Variants in WASHC5 observed in about 807,000 individuals in gnomAD.
The protein encoded by WASHC5 is WASH complex subunit 5, also known as WASH complex subunit strumpellin.
WASHC5 carries 101 observed loss-of-function variants against 150.4 expected under a neutral mutation model. That is an observed-to-expected ratio of 0.67 (90% CI 0.57 to 0.79). The LOEUF (loss-of-function observed/expected upper bound fraction) is 0.79. Ranked by LOEUF, WASHC5 falls within the 30% of genes least tolerant of loss-of-function variation. WASHC5 has a pLI of 0.00. For synonymous variants in WASHC5, 467 were observed against 491.2 expected, an observed-to-expected ratio of 0.95 and a Z score of 0.65; for missense variants, 1,195 against 1,396.3, an observed-to-expected ratio of 0.86 and a Z score of 2.30.
At chr8:125,027,896 C>CTGTATAGT (rs1439472902) in intron 28 of WASHC5, among the ~76,000 whole-genome samples, 8 of 152,192 alleles carry the variant, frequency 5.3e-5, no homozygotes, top group African/African-American at 1.9e-4. Context: ...TTGCAAGAGT[C>CTGTATAGT]TGTATAGTTG....
chr8:125,057,872 C>T (rs954843631), intron 14 of WASHC5, among the ~76,000 whole-genome samples: 2 of 152,174 alleles, frequency 1.3e-5, no homozygotes, highest in East Asian at 1.9e-4. Flanking sequence ...CAGTAGCTTC[C>T]GCATGACCTG....
rs80288271 is a variant in WASHC5, at chr8:125,041,703, G to A, written c.2851-1805C>T. ...AGCAAAAGTTACTTAGCTAAATGGAGCTTGTAATGGTCAAAAGTATTAAAT... is the reference window on the plus strand; with the variant it reads ...AGCAAAAGTTACTTAGCTAAATGGAACTTGTAATGGTCAAAAGTATTAAAT... On this transcript the variant is annotated intron_variant, in intron 23 of 28. Transcript: ENST00000318410. 1.7e-3 allele frequency among the ~76,000 whole-genome samples: 252 copies of A among 152,158 alleles called. 1 individual carries two copies. Among genetic ancestry groups the A allele is most frequent in the Non-Finnish European group, 2.4e-3 (165 of 68,008 alleles).
intron 6 of WASHC5, 38 bp from the exon 7 acceptor site, chr8:125,076,538 C>T: frequency 6.2e-7 from 1 of 1,610,610 alleles, no homozygotes. Context: ...AAGCTGTTGG[C>T]AACATTTGCA....
chr8:125,032,569 GC>G (rs1815573065), intron 26 of WASHC5, 175 bp from the exon 27 acceptor site: 1 of 727,924 alleles, frequency 1.4e-6, no homozygotes, highest in Non-Finnish European at 2.4e-6. Context: ...GATTGGTAGG[GC>G]ATTCCAGGGG....
rs146282826 is a variant in WASHC5 at position 125,077,889 on chromosome 8, T to C, written c.711+849A>G. On this transcript the variant is annotated intron_variant, in intron 6 of 28. Coordinates refer to ENST00000318410, the MANE Select transcript of WASHC5 (RefSeq NM_014846.4). ...GGCATCTGTGGGTAGCTTCTGATTT[T>C]GAATTGTCTTAAAACAACAACAACA... 7.0e-3 allele frequency among the ~76,000 whole-genome samples: 1,071 copies of C among 152,194 alleles called. 8 individuals carry two copies. The highest frequency in any genetic ancestry group is 0.024 in the African/African-American group (1,005 of 41,512).
chr8:125,039,247 T>C (rs1815810398), intron 24 of WASHC5, among the ~76,000 whole-genome samples: 1 of 152,162 alleles, frequency 6.6e-6, no homozygotes, highest in Non-Finnish European at 1.5e-5. Context: ...AGCACTGACT[T>C]GGTGAGTGAG....
chr8:125,053,103 C>CT lies in WASHC5; in HGVS notation c.2098-2439dup, dbSNP rs10616158. On this transcript the variant is annotated intron_variant, in intron 17 of 28. Coordinates refer to ENST00000318410, the MANE Select transcript of WASHC5 (RefSeq NM_014846.4). ...TTTAAGTTTGAGACGACCTGTATTT[C>CT]TTTTTTTTTTTTTTTGCTGCCTCTA... is the stretch of plus-strand genomic sequence containing the variant. Among the ~76,000 whole-genome samples, 699 of 136,340 alleles carry CT rather than the reference C, an allele frequency of 5.1e-3. 4 individuals are homozygous for CT. Among genetic ancestry groups the CT allele is most frequent in the South Asian group, 0.022 (94 of 4,322 alleles). The allele number at this position is 136,340 out of a possible 152,430, so 89.4% of individuals were successfully genotyped here. A position where few individuals can be genotyped will look rare whatever the true frequency, so the allele number is the denominator to read the frequency against.
At chr8:125,055,564 G>A in intron 17 of WASHC5, 27 bp downstream of exon 17, 5 of 1,371,276 alleles carry the variant, frequency 3.6e-6, no homozygotes, top group Non-Finnish European at 5.2e-6. Context: ...CATGGTGCGA[G>A]GCCACGCAGA....
intron 17 of WASHC5, among the ~76,000 whole-genome samples, chr8:125,053,023 T>G (rs1035269930): frequency 6.6e-6 from 1 of 152,300 alleles, no homozygotes; most frequent in Admixed American, 6.5e-5. Flanking sequence ...TGTAATTTAT[T>G]GAATACTATA....
chr8:125,087,316 T>C (rs939626405), intron 1 of WASHC5, among the ~76,000 whole-genome samples: 1 of 152,246 alleles, frequency 6.6e-6, no homozygotes, highest in African/African-American at 2.4e-5. Context: ...CCGCTGATTA[T>C]TGCAATTTCC....
chr8:125,065,708 G>T (rs186029459), intron 10 of WASHC5, among the ~76,000 whole-genome samples: 3,963 of 150,512 alleles, frequency 0.026, 184 homozygotes, highest in African/African-American at 0.093. Flanking sequence ...ACCTCTGCCT[G>T]TGTTTTCAAG....
chr8:125,053,867 A>G (rs28453073), intron 17 of WASHC5, among the ~76,000 whole-genome samples: 16,613 of 152,224 alleles, frequency 0.11, 2,125 homozygotes, highest in African/African-American at 0.31. Flanking sequence ...TCTTGGGAGA[A>G]CAAAATTAGA....
intron 27 of WASHC5, among the ~76,000 whole-genome samples, chr8:125,031,985 T>C (rs1815553357): frequency 6.6e-6 from 1 of 152,122 alleles, no homozygotes; most frequent in Non-Finnish European, 1.5e-5. Context: ...CCCATGGTAG[T>C]TACTATTCAT....
At chr8:125,029,942 T>C (rs1815478994) in intron 27 of WASHC5, among the ~76,000 whole-genome samples, 1 of 152,220 alleles carries the variant, frequency 6.6e-6, no homozygotes, top group South Asian at 2.1e-4. Flanking sequence ...AGGGCTATAT[T>C]TGCTCTGCTT....
intron 20 of WASHC5, 158 bp from the exon 21 acceptor site, chr8:125,044,856 C>A: frequency 1.3e-6 from 1 of 754,176 alleles, no homozygotes; most frequent in Non-Finnish European, 2.3e-6. Context: ...TGCGTCTTCC[C>A]AGTGACACCC....
Position 125,044,698 on chromosome 8 carries a change from T to G in WASHC5, c.2505A>C (p.Lys835Asn). 6.2e-7 allele frequency: 1 copy of G among 1,613,958 alleles called. No individual in the cohort carries two copies. Among genetic ancestry groups the G allele is most frequent in the Non-Finnish European group, 8.5e-7 (1 of 1,179,920 alleles). The change falls in exon 21 of 29, where the codon AAA becomes AAC. Residue 835 changes from lysine to asparagine, a missense_variant and splice_region_variant. Around this residue, in one of 3 missense-constraint regions of WASHC5, gnomAD observed 997 missense variants for 1,168.1 expected, o/e 0.85. Transcript: ENST00000318410. ...CREILRITDP[K>N]MTCHIDQLNT... ...TCAGCTGGTCTATGTGACATGTCAT[T>G]CTAAAATGAAAACAATGCAAAAACC...
chr8:125,082,922 G>A, intron 3 of WASHC5, 191 bp downstream of exon 3: 1 of 516,882 alleles, frequency 1.9e-6, no homozygotes, highest in East Asian at 3.3e-5. Context: ...CCTCATAAGA[G>A]CAGGACATTA....
chr8:125,076,674 C>T (rs1817071393), intron 6 of WASHC5, among the ~76,000 whole-genome samples, 174 bp from the exon 7 acceptor site: 1 of 150,402 alleles, frequency 6.6e-6, no homozygotes, highest in South Asian at 2.1e-4. Context: ...CCAAGGTCTT[C>T]CTTCTTATTC....
intron 4 of WASHC5, among the ~76,000 whole-genome samples, 153 bp from the exon 5 acceptor site, chr8:125,081,914 C>A (rs1292581798): frequency 6.6e-6 from 1 of 152,230 alleles, no homozygotes; most frequent in East Asian, 1.9e-4. Flanking sequence ...GAGCTCTTAC[C>A]TTCTTGCCGA....
Sources: allele counts gnomAD v4.1 joint callset (sites outside exome capture counted in the v4.1 genomes callset), GRCh38; gene constraint gnomAD v4.1.1; regional missense constraint gnomAD v4.1.1; transcripts MANE v1.5; gene names NCBI Gene and HGNC (gene_info 2026-07-23, HGNC 2026-07-21).